Variants in IGF1R observed in about 807,000 individuals in gnomAD.
The protein encoded by IGF1R is insulin-like growth factor 1 receptor.
In IGF1R, 44 loss-of-function variants were observed where a neutral mutation model predicts 144.6. The observed-to-expected ratio is 0.30, with a 90% confidence interval of 0.24 to 0.39. The LOEUF (loss-of-function observed/expected upper bound fraction) is 0.39. IGF1R is among the 10% of genes least tolerant of loss of function. The pLI, the probability that IGF1R is intolerant of heterozygous loss-of-function variation, is 1.00. For missense variants in IGF1R, 1,355 were observed against 1,833.7 expected (o/e 0.74, Z 4.77); for synonymous variants, 795 against 722.8 (o/e 1.10, Z -1.60).
chr15:98,725,189 C>T (rs756540818), intron 2 of IGF1R, among the ~76,000 whole-genome samples: 18 of 152,286 alleles, frequency 1.2e-4, no homozygotes, highest in Non-Finnish European at 2.4e-4. Flanking sequence ...TAATACATTG[C>T]AAGTGGTGCC....
intron 2 of IGF1R, among the ~76,000 whole-genome samples, chr15:98,767,760 G>C (rs1303709890): frequency 6.6e-6 from 1 of 152,186 alleles, no homozygotes; most frequent in African/African-American, 2.4e-5. Context: ...TGTTTCATCT[G>C]ACAGTGGGTA....
At chr15:98,726,350 C>T (rs200649560) in intron 2 of IGF1R, among the ~76,000 whole-genome samples, 1 of 152,180 alleles carries the variant, frequency 6.6e-6, no homozygotes, top group East Asian at 1.9e-4. Context: ...CCAGGGATGA[C>T]TTAGTGGCTT....
chr15:98,962,721 G>C lies in IGF1R; in HGVS notation c.*5279G>C, dbSNP rs1455880451. 1 of 233,600 alleles carries C rather than the reference G, an allele frequency of 4.3e-6. No individual in the cohort carries two copies. The highest frequency in any genetic ancestry group is 5.6e-5 in the Admixed American group (1 of 17,804). The allele number at this position is 233,600 out of a possible 1,614,324, so 14.5% of individuals were successfully genotyped here. On this transcript the variant is annotated 3_prime_UTR_variant, in exon 21 of 21. Transcript: ENST00000650285. The stretch of plus-strand genomic sequence containing the variant: ...CAGGGCTTGGAAGGAATGTGGGCAA[G>C]GTTTTGAACTTGATTGTTCTTGAAG...
chr15:98,794,208 C>T (rs1238521213), intron 2 of IGF1R, among the ~76,000 whole-genome samples: 1 of 152,240 alleles, frequency 6.6e-6, no homozygotes, highest in Non-Finnish European at 1.5e-5. Flanking sequence ...CCAGTCTAGA[C>T]TTCCGCAGTT....
At chr15:98,840,291 A>C (rs2011151453) in intron 2 of IGF1R, among the ~76,000 whole-genome samples, 1 of 152,136 alleles carries the variant, frequency 6.6e-6, no homozygotes, top group Non-Finnish European at 1.5e-5. Flanking sequence ...CTGTTATCAA[A>C]CCTGACTGCC....
chr15:98,841,583 C>T (rs931745149), intron 2 of IGF1R, among the ~76,000 whole-genome samples: 3 of 152,140 alleles, frequency 2.0e-5, no homozygotes, highest in Admixed American at 6.5e-5. Flanking sequence ...CCTTGCCTGC[C>T]CCAGGGAGGA....
intron 2 of IGF1R, among the ~76,000 whole-genome samples, chr15:98,712,491 G>T (rs926838262): frequency 1.3e-5 from 2 of 152,020 alleles, no homozygotes; most frequent in Admixed American, 6.5e-5. Context: ...CTCCCGAATG[G>T]AATGGAAATG....
intron 2 of IGF1R, among the ~76,000 whole-genome samples, chr15:98,791,167 G>A (rs1203418966): frequency 6.6e-6 from 1 of 152,284 alleles, no homozygotes; most frequent in East Asian, 1.9e-4. Context: ...TAAATGTTAA[G>A]ACATATTCTT....
chr15:98,857,776 C>T (rs996325126), intron 2 of IGF1R, among the ~76,000 whole-genome samples: 1 of 152,176 alleles, frequency 6.6e-6, no homozygotes, highest in Admixed American at 6.5e-5. Context: ...CTGGACATCA[C>T]AGATCTAACA....
At chr15:98,894,350 A>T (rs1292928219) in intron 3 of IGF1R, among the ~76,000 whole-genome samples, 1 of 152,236 alleles carries the variant, frequency 6.6e-6, no homozygotes, top group Non-Finnish European at 1.5e-5. Context: ...AATTTATGTC[A>T]ACACAAAAAT....
chr15:98,867,406 A>G (rs1311708879), intron 2 of IGF1R, among the ~76,000 whole-genome samples: 1 of 152,232 alleles, frequency 6.6e-6, no homozygotes, highest in East Asian at 1.9e-4. Flanking sequence ...GTTGAAATAC[A>G]TAAATTCGAG....
chr15:98,830,486 TGTA>T (rs1178956932), intron 2 of IGF1R, among the ~76,000 whole-genome samples: 1 of 152,186 alleles, frequency 6.6e-6, no homozygotes, highest in Non-Finnish European at 1.5e-5. Flanking sequence ...CAGTGACTAT[TGTA>T]GTCCATAGGA....
chr15:98,898,463 C>T (rs1287623477), intron 4 of IGF1R, among the ~76,000 whole-genome samples: 3 of 152,216 alleles, frequency 2.0e-5, no homozygotes, highest in Non-Finnish European at 2.9e-5. Context: ...CTAAGGCATG[C>T]TTCCTGCCCC....
At chr15:98,825,716 T>C (rs1459602652) in intron 2 of IGF1R, among the ~76,000 whole-genome samples, 1 of 152,244 alleles carries the variant, frequency 6.6e-6, no homozygotes, top group Non-Finnish European at 1.5e-5. Context: ...TTAGACCATC[T>C]GTAGATTACT....
intron 2 of IGF1R, among the ~76,000 whole-genome samples, chr15:98,844,339 C>T (rs181674691): frequency 4.3e-4 from 65 of 152,264 alleles, no homozygotes; most frequent in African/African-American, 1.5e-3. Context: ...ACAATTTATA[C>T]GTTGGGATAA....
At chr15:98,650,407 C>T (rs1212223061) in intron 1 of IGF1R, among the ~76,000 whole-genome samples, 1 of 152,230 alleles carries the variant, frequency 6.6e-6, no homozygotes, top group African/African-American at 2.4e-5. Flanking sequence ...TGGGCAGCCC[C>T]CCGGGAAGTG....
intron 2 of IGF1R, among the ~76,000 whole-genome samples, chr15:98,874,268 T>G (rs778423220): frequency 2.6e-5 from 4 of 152,100 alleles, no homozygotes; most frequent in African/African-American, 9.7e-5. Context: ...GCTGTTTATT[T>G]AGATAGGAGT....
chr15:98,734,348 C>G (rs1033906503), intron 2 of IGF1R, among the ~76,000 whole-genome samples: 1 of 152,150 alleles, frequency 6.6e-6, no homozygotes, highest in Non-Finnish European at 1.5e-5. Context: ...TTTTTTACTT[C>G]AGAGTAAGTC....
chr15:98,925,143 C>G (rs1177431861), intron 13 of IGF1R, among the ~76,000 whole-genome samples: 1 of 152,114 alleles, frequency 6.6e-6, no homozygotes, highest in Non-Finnish European at 1.5e-5. Flanking sequence ...TCTGGTTCAG[C>G]CTGCTACAGG....
Sources: allele counts gnomAD v4.1 joint callset (sites outside exome capture counted in the v4.1 genomes callset), GRCh38; gene constraint gnomAD v4.1.1; transcripts MANE v1.5; gene names NCBI Gene and HGNC (gene_info 2026-07-23, HGNC 2026-07-21).